Variants in TMTC3 observed in about 807,000 individuals in gnomAD.
TMTC3 encodes transmembrane O-mannosyltransferase targeting cadherins 3.
In TMTC3, 52 loss-of-function variants were observed where a neutral mutation model predicts 92.2. That is an observed-to-expected ratio of 0.56 (90% CI 0.45 to 0.71). TMTC3 has a LOEUF of 0.71. TMTC3 is among the 30% of genes least tolerant of loss of function. The pLI is 0.00. For synonymous variants in TMTC3, 339 were observed against 363.3 expected (o/e 0.93, Z 0.76); for missense variants, 896 against 1,057.1 (o/e 0.85, Z 2.11).
intron 2 of TMTC3, among the ~76,000 whole-genome samples, chr12:88,150,756 C>A (rs2040933140): frequency 6.6e-6 from 1 of 152,086 alleles, no homozygotes; most frequent in Non-Finnish European, 1.5e-5. Context: ...AAGATCTAAT[C>A]ATTGATATCA....
chr12:88,189,313 C>T (rs1002801815), intron 11 of TMTC3, among the ~76,000 whole-genome samples: 2 of 152,028 alleles, frequency 1.3e-5, no homozygotes, highest in East Asian at 1.9e-4. Flanking sequence ...AGGCTGGTCT[C>T]GAACTCCAGA....
At chr12:88,162,488 A>G (rs11833861) in intron 6 of TMTC3, among the ~76,000 whole-genome samples, 5,975 of 151,896 alleles carry the variant, frequency 0.039, 368 homozygotes, top group African/African-American at 0.14. Context: ...TTTTCCCTCA[A>G]TCTTTTACCA....
intron 2 of TMTC3, 85 bp downstream of exon 2, chr12:88,148,589 A>G (rs2040904107): frequency 4.0e-6 from 4 of 998,174 alleles, no homozygotes; most frequent in Non-Finnish European, 5.8e-6. Flanking sequence ...CTTTATCAAC[A>G]TTATCATCAC....
chr12:88,192,847 T>C lies in TMTC3; in HGVS notation c.1933+17T>C. On this transcript the variant is annotated intron_variant, in intron 13 of 13. Transcript: ENST00000266712. ...AAGAATCAGGTATGTTTTCTCAAAA[T>C]ATTTCTGTTTATATAAATTGTAGTT... 6.3e-7 allele frequency: 1 copy of C among 1,580,960 alleles called. No homozygotes were observed. Among genetic ancestry groups the C allele is most frequent in the Non-Finnish European group, 8.6e-7 (1 of 1,161,678 alleles).
Position 88,166,493 on chromosome 12 carries a change from C to T in TMTC3, c.961C>T (p.Leu321=). 1 of 1,613,902 alleles carries T rather than the reference C, an allele frequency of 6.2e-7. No individual in the cohort carries two copies. Among genetic ancestry groups the T allele is most frequent in the Admixed American group, 1.7e-5 (1 of 59,988 alleles). Residue 321 remains leucine (L), a synonymous_variant, in exon 7 of 14, where the codon CTG becomes TTG. Transcript: ENST00000266712. Reference sequence around the variant, plus strand: ...AGAGTCATTACTAGATATTCGAAATCTGGCCACATTTACTTTCTTTTGTTT... The same window carrying T: ...AGAGTCATTACTAGATATTCGAAATTTGGCCACATTTACTTTCTTTTGTTT... ...LIESLLDIRN[L]ATFTFFCFLG...
chr12:88,144,504 T>G (rs2040847617), intron 1 of TMTC3, among the ~76,000 whole-genome samples: 1 of 152,156 alleles, frequency 6.6e-6, no homozygotes, highest in South Asian at 2.1e-4. Flanking sequence ...CACCACCCTC[T>G]TGCTCACATT....
intron 6 of TMTC3, among the ~76,000 whole-genome samples, chr12:88,162,993 G>A (rs1362243140): frequency 1.3e-5 from 2 of 150,684 alleles, no homozygotes; most frequent in South Asian, 2.1e-4. Flanking sequence ...TCGGCTCACC[G>A]CAACCTCCAC....
At chr12:88,184,521 C>T (rs1340174149) in intron 10 of TMTC3, among the ~76,000 whole-genome samples, 1 of 152,152 alleles carries the variant, frequency 6.6e-6, no homozygotes, top group Non-Finnish European at 1.5e-5. Context: ...TTCCCACCAC[C>T]CTGACCAAAC....
At chr12:88,147,533 C>A (rs1046731740) in intron 1 of TMTC3, among the ~76,000 whole-genome samples, 1 of 152,064 alleles carries the variant, frequency 6.6e-6, no homozygotes, top group Non-Finnish European at 1.5e-5. Context: ...TATACTGTTT[C>A]ATTTTACTAG....
chr12:88,166,924 G>T (rs2041149781), intron 7 of TMTC3, among the ~76,000 whole-genome samples: 1 of 150,706 alleles, frequency 6.6e-6, no homozygotes, highest in East Asian at 1.9e-4. Flanking sequence ...GTTCTCATGA[G>T]CAAGGTGGTT....
intron 6 of TMTC3, among the ~76,000 whole-genome samples, chr12:88,161,371 C>G (rs2041077314): frequency 6.6e-6 from 1 of 152,078 alleles, no homozygotes; most frequent in African/African-American, 2.4e-5. Flanking sequence ...TTTTTCTTAT[C>G]ACAGCTGTCT....
chr12:88,199,676 A>G lies in TMTC3; in HGVS notation c.*4027A>G, dbSNP rs549102644. 7.9e-5 allele frequency: 12 copies of G among 152,312 alleles called. No individual in the cohort carries two copies. The highest frequency in any genetic ancestry group is 3.4e-3 in the Middle Eastern group (1 of 294). 9.4% of individuals were successfully genotyped at this position (152,312 alleles called of 1,614,324 possible). A position where few individuals can be genotyped will look rare whatever the true frequency, so the allele number is the denominator to read the frequency against. On this transcript the variant is annotated 3_prime_UTR_variant, in exon 14 of 14. Coordinates refer to ENST00000266712, the MANE Select transcript of TMTC3 (RefSeq NM_181783.4). ...AACTGAGACACCTTAAAATTGTACTACCTTGTGCTGTTCACTGCCATCAGG... is the reference window on the plus strand; with the variant it reads ...AACTGAGACACCTTAAAATTGTACTGCCTTGTGCTGTTCACTGCCATCAGG...
intron 7 of TMTC3, among the ~76,000 whole-genome samples, chr12:88,168,922 G>A (rs2041175269): frequency 6.6e-6 from 1 of 152,218 alleles, no homozygotes; most frequent in Non-Finnish European, 1.5e-5. Flanking sequence ...AGGAGCAGGA[G>A]ATAGGGAGCA....
At chr12:88,156,154 A>G (rs2041007105) in intron 4 of TMTC3, among the ~76,000 whole-genome samples, 2 of 152,180 alleles carry the variant, frequency 1.3e-5, no homozygotes, top group South Asian at 4.1e-4. Flanking sequence ...TCTTTAAGTA[A>G]TTCTGATTTA....
At chr12:88,188,790 A>G in intron 10 of TMTC3, 53 bp from the exon 11 acceptor site, 1 of 848,436 alleles carries the variant, frequency 1.2e-6, no homozygotes, top group Non-Finnish European at 1.9e-6. Flanking sequence ...CATTGAGTAT[A>G]TTGAATATAT....
chr12:88,188,968 A>G, intron 11 of TMTC3, 22 bp downstream of exon 11: 2 of 1,299,596 alleles, frequency 1.5e-6, no homozygotes, highest in Middle Eastern at 1.9e-4. Flanking sequence ...TAATTTATCT[A>G]TTGTGTCATA....
At chr12:88,156,516 T>C (rs1565944924) in intron 4 of TMTC3, among the ~76,000 whole-genome samples, 1 of 152,152 alleles carries the variant, frequency 6.6e-6, no homozygotes, top group Non-Finnish European at 1.5e-5. Context: ...AGTTACTGCC[T>C]AGGAGTGATT....
At chr12:88,176,731 CAT>C (rs2041263707) in intron 10 of TMTC3, among the ~76,000 whole-genome samples, 2 of 152,166 alleles carry the variant, frequency 1.3e-5, no homozygotes, top group African/African-American at 4.8e-5. Flanking sequence ...GCTATGATCA[CAT>C]GATTATACCA....
chr12:88,150,064 C>T (rs577048873), intron 2 of TMTC3, among the ~76,000 whole-genome samples: 26 of 152,148 alleles, frequency 1.7e-4, no homozygotes, highest in African/African-American at 5.8e-4. Flanking sequence ...TGTATTGCTA[C>T]GAAGAAATAC....
Sources: allele counts gnomAD v4.1 joint callset (sites outside exome capture counted in the v4.1 genomes callset), GRCh38; gene constraint gnomAD v4.1.1; transcripts MANE v1.5; gene names NCBI Gene and HGNC (gene_info 2026-07-23, HGNC 2026-07-21).